Variants in CNTN4 observed in about 807,000 individuals in gnomAD.
CNTN4 encodes the protein contactin-4.
CNTN4 carries 77 observed loss-of-function variants against 122.5 expected under a neutral mutation model. That is an observed-to-expected ratio of 0.63 (90% CI 0.52 to 0.76). The LOEUF is 0.76. Among genes scored for constraint, CNTN4 ranks in the 30% least tolerant of loss-of-function variants. The pLI, the probability that CNTN4 is intolerant of heterozygous loss-of-function variation, is 0.00. For missense variants in CNTN4, 1,256 were observed against 1,259.1 expected, an observed-to-expected ratio of 1.00 and a Z score of 0.04; for synonymous variants, 512 against 447.0, an observed-to-expected ratio of 1.15 and a Z score of -1.83.
intron 3 of CNTN4, among the ~76,000 whole-genome samples, chr3:2,351,124 C>A (rs1158268894): frequency 6.6e-6 from 1 of 152,164 alleles, no homozygotes; most frequent in Non-Finnish European, 1.5e-5. Flanking sequence ...TAGCAAAGGT[C>A]AGGGTCTAAA....
At chr3:3,028,109 A>G (rs935788582) in intron 15 of CNTN4, among the ~76,000 whole-genome samples, 7 of 152,190 alleles carry the variant, frequency 4.6e-5, no homozygotes, top group African/African-American at 1.7e-4. Flanking sequence ...AGTCAAGCCT[A>G]TTTCAGCTTC....
chr3:2,105,564 A>G (rs1388524550), intron 2 of CNTN4, among the ~76,000 whole-genome samples: 1 of 152,104 alleles, frequency 6.6e-6, no homozygotes, highest in Non-Finnish European at 1.5e-5. Flanking sequence ...AAACCATCAG[A>G]TCTCATGAGA....
chr3:2,453,574 C>G (rs897810942), intron 3 of CNTN4, among the ~76,000 whole-genome samples: 2 of 152,086 alleles, frequency 1.3e-5, no homozygotes, highest in Non-Finnish European at 2.9e-5. Flanking sequence ...TGTTCATGAT[C>G]ATGTAGCTTT....
At chr3:2,943,628 A>ATT (rs1231116494) in intron 13 of CNTN4, among the ~76,000 whole-genome samples, 998 of 60,898 alleles carry the variant, frequency 0.016, 13 homozygotes, top group African/African-American at 0.051. Flanking sequence ...ATATATATAT[A>ATT]TATTTTTTTT....
chr3:2,841,921 T>A lies in CNTN4; in HGVS notation c.454+22340T>A, dbSNP rs545698950. 5.3e-5 allele frequency among the ~76,000 whole-genome samples: 8 copies of A among 152,046 alleles called. No homozygotes were observed. The South Asian group carries it at 1.5e-3, about 28-fold the overall frequency. On this transcript the variant is annotated intron_variant, in intron 7 of 24. Coordinates refer to ENST00000418658, the MANE Select transcript of CNTN4 (RefSeq NM_175607.3). This position sits in a 1 kb window ranked among gnomAD's most constrained non-coding sequence, Gnocchi z 4.8. ...TGAAAGCTGACTGTTAAAGGATTAA[T>A]TAGGTCACATTGAAATATATGATTT...
chr3:2,342,747 C>G (rs1337458450), intron 3 of CNTN4, among the ~76,000 whole-genome samples: 1 of 152,186 alleles, frequency 6.6e-6, no homozygotes, highest in Non-Finnish European at 1.5e-5. Context: ...TTCCTGAGGC[C>G]TCCCCAGTCA....
At chr3:2,168,506 G>T (rs1022131198) in intron 2 of CNTN4, among the ~76,000 whole-genome samples, 5 of 152,008 alleles carry the variant, frequency 3.3e-5, no homozygotes, top group Admixed American at 3.3e-4. Flanking sequence ...AAATATGAAA[G>T]ATTGAAATTA....
chr3:2,324,936 T>TC (rs1371177837), intron 2 of CNTN4, among the ~76,000 whole-genome samples: 3 of 152,108 alleles, frequency 2.0e-5, no homozygotes, highest in Non-Finnish European at 4.4e-5. Context: ...TTGAAAATCT[T>TC]CCCCCCAGTT....
chr3:2,284,039 A>C (rs1028130088), intron 2 of CNTN4, among the ~76,000 whole-genome samples: 1 of 152,082 alleles, frequency 6.6e-6, no homozygotes, highest in Non-Finnish European at 1.5e-5. Context: ...AACCAGCTGA[A>C]ACAGTAAGGG....
intron 2 of CNTN4, among the ~76,000 whole-genome samples, chr3:2,109,564 G>C (rs1453712246): frequency 6.6e-6 from 1 of 152,142 alleles, no homozygotes; most frequent in Non-Finnish European, 1.5e-5. Context: ...TTTCCAGTGA[G>C]GACAGGTGTT....
chr3:2,403,096 C>T (rs1337985810), intron 3 of CNTN4, among the ~76,000 whole-genome samples: 1 of 152,038 alleles, frequency 6.6e-6, no homozygotes, highest in Admixed American at 6.6e-5. Context: ...TGATAGCAAT[C>T]CTTGGCCTTC....
At chr3:2,773,761 A>ATTTTTTTTTT (rs2091200953) in intron 6 of CNTN4, among the ~76,000 whole-genome samples, 4 of 32,120 alleles carry the variant, frequency 1.2e-4, no homozygotes, top group Admixed American at 4.1e-4. Flanking sequence ...AATGTAGTAG[A>ATTTTTTTTTT]CTTTTTTTTT....
intron 7 of CNTN4, among the ~76,000 whole-genome samples, chr3:2,821,128 T>C (rs2092860413): frequency 6.6e-6 from 1 of 151,858 alleles, no homozygotes; most frequent in South Asian, 2.1e-4. Context: ...TGCCAATTTT[T>C]ATATTTTTAG....
intron 2 of CNTN4, among the ~76,000 whole-genome samples, chr3:2,129,448 C>G (rs551190432): frequency 2.9e-3 from 426 of 145,616 alleles, no homozygotes; most frequent in Non-Finnish European, 4.0e-3. Flanking sequence ...TTTGGATTCT[C>G]TCACTCTAGG....
intron 3 of CNTN4, among the ~76,000 whole-genome samples, chr3:2,536,832 T>A (rs535051719): frequency 6.6e-6 from 1 of 152,172 alleles, no homozygotes; most frequent in Non-Finnish European, 1.5e-5. Context: ...ATTGAGTAGA[T>A]GTTGTAGAAC....
intron 2 of CNTN4, among the ~76,000 whole-genome samples, chr3:2,333,467 A>T (rs185308093): frequency 2.5e-4 from 38 of 152,348 alleles, no homozygotes; most frequent in Non-Finnish European, 4.9e-4. Flanking sequence ...TGAGAGCTGT[A>T]GGGACCCTTG....
In CNTN4 at chr3:2,487,503, A is replaced by G. The variant is rs113734944; in HGVS notation, c.-88-83913A>G. ...TGCCAGGGGATTTAGAGATAAATAC[A>G]TAATCGTTGCCTTCAAAAAGCCCTA... On this transcript the variant is annotated intron_variant, in intron 3 of 24. Coordinates refer to ENST00000418658, the MANE Select transcript of CNTN4 (RefSeq NM_175607.3). Among the ~76,000 whole-genome samples the G allele has an allele frequency of 6.2e-4, 94 of 152,342 alleles. 1 individual carries two copies. In the Middle Eastern group the frequency reaches 0.01, roughly 17 times the overall value.
rs577131948 is a variant in CNTN4 at position 2,195,725 on chromosome 3, A to C, written c.-145+95086A>C. ...GTGTCACTCTGGGAATCACATGGCT[A>C]TTCTATTCCTGGAGGTTTGCCATCA... On this transcript the variant is annotated intron_variant, in intron 2 of 24. Coordinates refer to ENST00000418658, the MANE Select transcript of CNTN4 (RefSeq NM_175607.3). 2.1e-3 allele frequency among the ~76,000 whole-genome samples: 315 copies of C among 152,326 alleles called. 1 individual carries two copies. The highest frequency in any genetic ancestry group is 3.6e-3 in the Non-Finnish European group (248 of 68,026).
intron 6 of CNTN4, among the ~76,000 whole-genome samples, chr3:2,807,226 A>T (rs1330378961): frequency 3.3e-5 from 5 of 152,208 alleles, no homozygotes. Flanking sequence ...CTAAGAACTG[A>T]CAGGTTTAAC....
Sources: allele counts gnomAD v4.1 joint callset (sites outside exome capture counted in the v4.1 genomes callset), GRCh38; gene constraint gnomAD v4.1.1; non-coding constraint Gnocchi (gnomAD v3.1); transcripts MANE v1.5; gene names NCBI Gene and HGNC (gene_info 2026-07-23, HGNC 2026-07-21).